Variants in SLC38A10 observed in about 807,000 individuals in gnomAD.
SLC38A10 encodes the protein Sodium-coupled neutral amino acid transporter 10.
A neutral mutation model predicts 81.0 loss-of-function variants in SLC38A10; 53 were observed. That is an observed-to-expected ratio of 0.65 (90% CI 0.53 to 0.82). The LOEUF (loss-of-function observed/expected upper bound fraction) is 0.82. SLC38A10 is among the 40% of genes least tolerant of loss of function. The probability of loss-of-function intolerance (pLI) is 0.00; values close to 1 mark genes in which losing one functional copy is unlikely to be tolerated. For synonymous variants in SLC38A10, 665 were observed against 655.3 expected, an observed-to-expected ratio of 1.01 and a Z score of -0.23; for missense variants, 1,471 against 1,545.0, an observed-to-expected ratio of 0.95 and a Z score of 0.80.
At chr17:81,255,620 G>A (rs1223874943) in intron 11 of SLC38A10, among the ~76,000 whole-genome samples, 1 of 152,238 alleles carries the variant, frequency 6.6e-6, no homozygotes, top group Non-Finnish European at 1.5e-5. Context: ...ACGGCCAAGG[G>A]GGATGGCTCC....
At chr17:81,267,300 T>A in intron 10 of SLC38A10, among the ~76,000 whole-genome samples, 1 of 152,088 alleles carries the variant, frequency 6.6e-6, no homozygotes, top group Non-Finnish European at 1.5e-5. Context: ...TACAGGTAGA[T>A]CAAAGATTTA....
intron 11 of SLC38A10, among the ~76,000 whole-genome samples, chr17:81,256,956 C>T (rs953431352): frequency 1.5e-4 from 23 of 152,210 alleles, no homozygotes; most frequent in Non-Finnish European, 1.2e-4. Flanking sequence ...TTGCCTCCGC[C>T]GTGGCTGGCA....
chr17:81,269,531 T>C (rs1053392561), intron 10 of SLC38A10, among the ~76,000 whole-genome samples: 2 of 152,146 alleles, frequency 1.3e-5, no homozygotes, highest in African/African-American at 2.4e-5. Flanking sequence ...TAAGAATCTA[T>C]TTACCGCAAC....
rs2062849704 is a variant in SLC38A10 at position 81,246,256 on chromosome 17, C to T, written c.2660G>A (p.Gly887Asp). Residue 887 changes from glycine (G) to aspartate (D), a missense_variant, in exon 16 of 16, where the codon GGC becomes GAC. Around this residue, in one of 2 missense-constraint regions of SLC38A10, gnomAD observed 751 missense variants for 717.4 expected, o/e 1.05. Coordinates refer to ENST00000374759, the MANE Select transcript of SLC38A10 (RefSeq NM_001037984.3). ...AGGTTTTTTCCTGTCTTGGGAACCG[C>T]CAGTAACGTCCTGACTTTGCCCAGG... Reference protein sequence around the residue: ...EFPGQSQDVTGGSQDRKKPGK... With the variant: ...EFPGQSQDVTDGSQDRKKPGK... 2 of 1,612,696 alleles carry T rather than the reference C, an allele frequency of 1.2e-6. No individual in the cohort carries two copies. Among genetic ancestry groups the T allele is most frequent in the East Asian group, 2.2e-5 (1 of 44,874 alleles).
intron 2 of SLC38A10, 77 bp from the exon 3 acceptor site, chr17:81,284,972 G>A: frequency 7.3e-7 from 1 of 1,367,496 alleles, no homozygotes; most frequent in Admixed American, 2.6e-5. Context: ...GAGCCAAGCT[G>A]TCAAGGGCGA....
In SLC38A10 at chr17:81,251,055, G is replaced by A. The variant is rs2062905817; in HGVS notation, c.2065+438C>T. On this transcript the variant is annotated intron_variant, in intron 14 of 15. Transcript: ENST00000374759. ...GGGCGGGCACAGCCACCCCCAAACT[G>A]GGTCCCCTTGGGGCACAGCCTTAAA... 7 of 1,443,246 alleles carry A rather than the reference G, an allele frequency of 4.9e-6. No homozygotes were observed. In the South Asian group the frequency reaches 9.3e-5, roughly 19 times the overall value. The allele number at this position is 1,443,246 out of a possible 1,614,324, so 89.4% of individuals were successfully genotyped here.
intron 1 of SLC38A10, among the ~76,000 whole-genome samples, chr17:81,293,734 A>T (rs2146963711): frequency 6.6e-6 from 1 of 152,302 alleles, no homozygotes; most frequent in South Asian, 2.1e-4. Context: ...GAATATGAAA[A>T]ACACAGTGTT....
rs563848451 is a variant in SLC38A10 at position 81,281,732 on chromosome 17, C to T, written c.501+457G>A. 2.6e-5 allele frequency among the ~76,000 whole-genome samples: 4 copies of T among 152,182 alleles called. No individual in the cohort carries two copies. The highest frequency in any genetic ancestry group is 4.1e-4 in the South Asian group (2 of 4,820). On this transcript the variant is annotated intron_variant, in intron 5 of 15. Coordinates refer to ENST00000374759, the MANE Select transcript of SLC38A10 (RefSeq NM_001037984.3). The surrounding 1 kb of genome is among the most constrained non-coding windows in gnomAD (Gnocchi z 5.3). ...TGGAGGTTGCAGTGAGCCGAGATTGCGCCACTGCACTCCAGCCTGGGCGAC... is the reference window on the plus strand; with the variant it reads ...TGGAGGTTGCAGTGAGCCGAGATTGTGCCACTGCACTCCAGCCTGGGCGAC...
At position 81,289,433 on chromosome 17, in the gene SLC38A10, C is replaced by T. The variant is rs1042012775; in HGVS notation, c.217+258G>A. Among the ~76,000 whole-genome samples the T allele has an allele frequency of 2.0e-5, 3 of 151,730 alleles. No homozygotes were observed. The highest frequency in any genetic ancestry group is 2.9e-5 in the Non-Finnish European group (2 of 67,976). ...TGTCACCCAGGCTGGAATACAATGG[C>T]GTGATCACAGCTCACTGCCACCTCA... is the stretch of plus-strand genomic sequence containing the variant. On this transcript the variant is annotated intron_variant, in intron 2 of 15. Coordinates refer to ENST00000374759, the MANE Select transcript of SLC38A10 (RefSeq NM_001037984.3). The surrounding 1 kb of genome is among the most constrained non-coding windows in gnomAD (Gnocchi z 5.9).
chr17:81,253,329 C>A lies in SLC38A10; in HGVS notation c.1289-89G>T. ...CCTGGACTGTTACCATATTTTCCAG[C>A]CAAATGGCAGAGTCAAAGCAGTTTC... On this transcript the variant is annotated intron_variant, in intron 11 of 15. Coordinates refer to ENST00000374759, the MANE Select transcript of SLC38A10 (RefSeq NM_001037984.3). The surrounding 1 kb of genome is among the most constrained non-coding windows in gnomAD (Gnocchi z 4.1). 1 of 1,473,768 alleles carries A rather than the reference C, an allele frequency of 6.8e-7. No individual in the cohort carries two copies. The highest frequency in any genetic ancestry group is 9.1e-7 in the Non-Finnish European group (1 of 1,094,542). The allele number at this position is 1,473,768 out of a possible 1,614,324, so 91.3% of individuals were successfully genotyped here. A position where few individuals can be genotyped will look rare whatever the true frequency, so the allele number is the denominator to read the frequency against.
intron 1 of SLC38A10, 42 bp downstream of exon 1, chr17:81,294,781 G>C (rs532018515): frequency 6.6e-7 from 1 of 1,515,600 alleles, no homozygotes; most frequent in Admixed American, 2.0e-5. Flanking sequence ...CCCCCTCTGC[G>C]GGGGAGGCGA....
Position 81,276,886 on chromosome 17 carries a change from C to T in SLC38A10, c.729+145G>A, listed in dbSNP as rs1354677156. On this transcript the variant is annotated intron_variant, in intron 7 of 15. Transcript: ENST00000374759. The surrounding 1 kb of genome is among the most constrained non-coding windows in gnomAD (Gnocchi z 4.7). Reference sequence around the variant, plus strand: ...GATGGAGCTGCCCCAGGTCCCCGCGCAGCCTCCAGACACTGGGATGGGAAC... The same window carrying T: ...GATGGAGCTGCCCCAGGTCCCCGCGTAGCCTCCAGACACTGGGATGGGAAC... 1.3e-6 allele frequency: 1 copy of T among 752,716 alleles called. No individual in the cohort carries two copies. Among genetic ancestry groups the T allele is most frequent in the African/African-American group, 1.7e-5 (1 of 57,394 alleles). The allele number at this position is 752,716 out of a possible 1,614,324, so 46.6% of individuals were successfully genotyped here.
intron 1 of SLC38A10, among the ~76,000 whole-genome samples, chr17:81,293,346 G>C (rs192230415): frequency 2.6e-5 from 4 of 152,234 alleles, no homozygotes; most frequent in Non-Finnish European, 4.4e-5. Context: ...GATGCTGCCC[G>C]GGGGGCTCTG....
rs2063077481 is a variant in SLC38A10 at position 81,267,156 on chromosome 17, A to G, written c.1131+3762T>C. 2.0e-5 allele frequency among the ~76,000 whole-genome samples: 3 copies of G among 152,238 alleles called. No homozygotes were observed. The South Asian group carries it at 6.2e-4, about 32-fold the overall frequency. Reference sequence around the variant, plus strand: ...GGTCCCAAGTTAGGCCCGAATACATATAAGAATTTAATCTACAATAGCACT... The same window carrying G: ...GGTCCCAAGTTAGGCCCGAATACATGTAAGAATTTAATCTACAATAGCACT... On this transcript the variant is annotated intron_variant, in intron 10 of 15. Coordinates refer to ENST00000374759, the MANE Select transcript of SLC38A10 (RefSeq NM_001037984.3).
chr17:81,288,541 G>A lies in SLC38A10; in HGVS notation c.217+1150C>T, dbSNP rs915003318. Among the ~76,000 whole-genome samples the A allele has an allele frequency of 1.3e-5, 2 of 152,236 alleles. No homozygotes were observed. Among genetic ancestry groups the A allele is most frequent in the African/African-American group, 4.8e-5 (2 of 41,454 alleles). ...AGCCTGTGGCGGGCAGGGAGACAGC[G>A]CGGGCCACACAGCCTGTGGGCAGAC... On this transcript the variant is annotated intron_variant, in intron 2 of 15. Coordinates refer to ENST00000374759, the MANE Select transcript of SLC38A10 (RefSeq NM_001037984.3). The surrounding 1 kb of genome is among the most constrained non-coding windows in gnomAD (Gnocchi z 5.4).
In SLC38A10 at chr17:81,281,641, T is replaced by G. The variant is rs1567945074; in HGVS notation, c.501+548A>C. Among the ~76,000 whole-genome samples, 1 of 151,902 alleles carries G rather than the reference T, an allele frequency of 6.6e-6. No homozygotes were observed. Among genetic ancestry groups the G allele is most frequent in the Non-Finnish European group, 1.5e-5 (1 of 67,938 alleles). ...AATAAAAAAAATTAGCCAGGTGTGG[T>G]GGCGGGCACCTGTAATCCCCGCTAC... On this transcript the variant is annotated intron_variant, in intron 5 of 15. Coordinates refer to ENST00000374759, the MANE Select transcript of SLC38A10 (RefSeq NM_001037984.3). The surrounding 1 kb of genome is among the most constrained non-coding windows in gnomAD (Gnocchi z 5.3).
Position 81,245,746 on chromosome 17 carries a change from C to A in SLC38A10, c.3170G>T (p.Gly1057Val), listed in dbSNP as rs747993871. 6.3e-7 allele frequency: 1 copy of A among 1,595,820 alleles called. No homozygotes were observed. The highest frequency in any genetic ancestry group is 2.3e-5 in the East Asian group (1 of 44,406). Residue 1057 changes from glycine (G) to valine (V), a missense_variant, in exon 16 of 16, where the codon GGC becomes GTC. Gly to Val is a moderately radical substitution (Grantham distance 109). Transcript: ENST00000374759. ...SDLRRRRRDL[G>V]PHAEGQLAPR... The stretch of plus-strand genomic sequence containing the variant: ...GGCCAGCTGACCCTCTGCATGAGGG[C>A]CAAGGTCCCGCCGTCGCCTCCGGAG...
chr17:81,258,217 A>G (rs550052586), intron 11 of SLC38A10, among the ~76,000 whole-genome samples: 22 of 152,308 alleles, frequency 1.4e-4, no homozygotes, highest in African/African-American at 5.3e-4. Context: ...AGAGACCAAT[A>G]AAACTCCGCT....
chr17:81,252,485 G>T lies in SLC38A10; in HGVS notation c.1655C>A (p.Pro552Gln). 6.2e-7 allele frequency: 1 copy of T among 1,613,278 alleles called. No individual in the cohort carries two copies. Reference sequence around the variant, plus strand: ...CCTCTTCCCAACCTCTCCCTGCTCCGGCTCTTGTTTCTCTCTTTCTGAGTC... The same window carrying T: ...CCTCTTCCCAACCTCTCCCTGCTCCTGCTCTTGTTTCTCTCTTTCTGAGTC... ...LPDSEREKQE[P>Q]EQGEVGKRPG... is the part of the protein sequence containing the mutation. Residue 552 changes from proline to glutamine, a missense_variant, in exon 13 of 16, where the codon CCG becomes CAG. Physicochemically the swap from Pro to Gln is moderately conservative, Grantham distance 76. Transcript: ENST00000374759.
Sources: allele counts gnomAD v4.1 joint callset (sites outside exome capture counted in the v4.1 genomes callset), GRCh38; gene constraint gnomAD v4.1.1; regional missense constraint gnomAD v4.1.1; non-coding constraint Gnocchi (gnomAD v3.1); transcripts MANE v1.5; gene names NCBI Gene and HGNC (gene_info 2026-07-23, HGNC 2026-07-21).